The following ELMO1 variants were observed in gnomAD, a reference collection of about 807,000 sequenced individuals.
The protein encoded by ELMO1 is engulfment and cell motility 1, also known as engulfment and cell motility protein 1.
Under a neutral mutation model 98.9 loss-of-function variants are expected in ELMO1, and 26 were observed. That is an observed-to-expected ratio of 0.26 (90% CI 0.19 to 0.36). The LOEUF is 0.36. Among genes scored for constraint, ELMO1 ranks in the 10% least tolerant of loss-of-function variants. ELMO1 has a pLI of 1.00. For synonymous variants in ELMO1, 346 were observed against 346.0 expected (o/e 1.00, Z 0.00); for missense variants, 627 against 935.2 (o/e 0.67, Z 4.30).
chr7:37,204,369 G>A (rs1015560123), intron 13 of ELMO1: 28 of 389,122 alleles, frequency 7.2e-5, no homozygotes, highest in Middle Eastern at 9.0e-4. Flanking sequence ...GCAGACCTTC[G>A]CGGTGAGTGT....
chr7:36,937,768 A>C (rs1285167129), intron 16 of ELMO1, among the ~76,000 whole-genome samples: 2 of 152,200 alleles, frequency 1.3e-5, no homozygotes, highest in African/African-American at 2.4e-5. Flanking sequence ...AAAAATAATA[A>C]TGGTTTGCTC....
chr7:36,874,283 G>A (rs1803770353), intron 19 of ELMO1, among the ~76,000 whole-genome samples: 1 of 152,226 alleles, frequency 6.6e-6, no homozygotes, highest in Non-Finnish European at 1.5e-5. Context: ...AGTAGTGGGT[G>A]AAAATCTAGG....
intron 16 of ELMO1, among the ~76,000 whole-genome samples, chr7:36,999,335 G>T (rs940926721): frequency 1.8e-4 from 27 of 152,128 alleles, no homozygotes; most frequent in African/African-American, 6.3e-4. Flanking sequence ...TTCAGACGTG[G>T]TCCAATATTG....
At chr7:37,100,626 A>T (rs954242594) in intron 14 of ELMO1, among the ~76,000 whole-genome samples, 2 of 152,260 alleles carry the variant, frequency 1.3e-5, no homozygotes, top group Admixed American at 1.3e-4. Context: ...TGCCTCCTGC[A>T]GCCAGCCCTT....
intron 10 of ELMO1, among the ~76,000 whole-genome samples, chr7:37,222,388 C>T (rs1392067747): frequency 6.6e-6 from 1 of 152,236 alleles, no homozygotes; most frequent in African/African-American, 2.4e-5. Context: ...ACACTCCTAG[C>T]ATCCCTCATC....
At chr7:36,974,858 C>T (rs1205261528) in intron 16 of ELMO1, among the ~76,000 whole-genome samples, 1 of 152,022 alleles carries the variant, frequency 6.6e-6, no homozygotes, top group African/African-American at 2.4e-5. Context: ...CATGAGCCCA[C>T]CGGGAAGAAT....
intron 16 of ELMO1, among the ~76,000 whole-genome samples, chr7:36,947,519 G>A (rs772615622): frequency 6.6e-6 from 1 of 152,222 alleles, no homozygotes; most frequent in Middle Eastern, 3.4e-3. Flanking sequence ...GGGCCATGAC[G>A]TTGATCAGGT....
In ELMO1 at chr7:37,389,821, C is replaced by A. The variant is rs79246262; in HGVS notation, c.-73-47058G>T. Among the ~76,000 whole-genome samples, 281 of 152,238 alleles carry A rather than the reference C, an allele frequency of 1.8e-3. 2 individuals are homozygous for A. In the East Asian group the frequency reaches 0.024, roughly 13 times the overall value. On this transcript the variant is annotated intron_variant, in intron 1 of 21. Coordinates refer to ENST00000310758, the MANE Select transcript of ELMO1 (RefSeq NM_014800.11). ...GTAAAGAATGAAGCACGGGCATCCC[C>A]CGAGATTCTTACTAATTCTCCAGCA...
chr7:37,156,218 A>C (rs956630367), intron 13 of ELMO1, among the ~76,000 whole-genome samples: 1 of 152,266 alleles, frequency 6.6e-6, no homozygotes, highest in Non-Finnish European at 1.5e-5. Flanking sequence ...CACAAGAGAA[A>C]GCAGGAAAGA....
intron 2 of ELMO1, among the ~76,000 whole-genome samples, chr7:37,320,935 G>A (rs1424466230): frequency 6.6e-6 from 1 of 152,200 alleles, no homozygotes; most frequent in East Asian, 1.9e-4. Context: ...TAAGCTGTTA[G>A]ACACTGAAAG....
chr7:37,294,955 C>T (rs897168862), intron 4 of ELMO1, among the ~76,000 whole-genome samples: 8 of 151,282 alleles, frequency 5.3e-5, no homozygotes, highest in East Asian at 1.9e-4. Flanking sequence ...AGCCACAATC[C>T]GCCATCGCAC....
chr7:36,961,784 T>C (rs1382969185), intron 16 of ELMO1, among the ~76,000 whole-genome samples: 1 of 152,168 alleles, frequency 6.6e-6, no homozygotes, highest in East Asian at 1.9e-4. Flanking sequence ...TCTAATAAGA[T>C]TGAAACAAAA....
rs527643074 is a variant in ELMO1 at position 36,867,020 on chromosome 7, T to A, written c.1905+3373A>T. Among the ~76,000 whole-genome samples, 4 of 152,280 alleles carry A rather than the reference T, an allele frequency of 2.6e-5. No homozygotes were observed. The South Asian group carries it at 8.3e-4, about 32-fold the overall frequency. ...TTGCAAGACAAGTAAATTCCATGTA[T>A]ATGCTAATTAAAGGGCCAGGCTGCT... On this transcript the variant is annotated intron_variant, in intron 20 of 21. Coordinates refer to ENST00000310758, the MANE Select transcript of ELMO1 (RefSeq NM_014800.11).
intron 16 of ELMO1, among the ~76,000 whole-genome samples, chr7:36,915,503 C>T (rs1468406492): frequency 6.6e-6 from 1 of 152,142 alleles, no homozygotes; most frequent in Non-Finnish European, 1.5e-5. Context: ...CCATTCAGGC[C>T]TTAGAGATGG....
At chr7:37,154,448 A>G (rs1236023499) in intron 13 of ELMO1, among the ~76,000 whole-genome samples, 2 of 152,226 alleles carry the variant, frequency 1.3e-5, no homozygotes, top group African/African-American at 2.4e-5. Context: ...TAACTAGAAC[A>G]ACCAGTGTAG....
intron 16 of ELMO1, among the ~76,000 whole-genome samples, chr7:36,954,409 T>A (rs1252878921): frequency 2.6e-5 from 4 of 152,184 alleles, no homozygotes; most frequent in Non-Finnish European, 5.9e-5. Context: ...TTTGGAAGGC[T>A]GTCAGCCTGA....
intron 16 of ELMO1, among the ~76,000 whole-genome samples, chr7:36,909,625 C>T (rs961634179): frequency 6.6e-6 from 1 of 152,178 alleles, no homozygotes; most frequent in Non-Finnish European, 1.5e-5. Context: ...CGTACAGGTA[C>T]ACAAAGACTG....
chr7:37,070,158 TCAAAGGAGG>T (rs1797193701), intron 15 of ELMO1, among the ~76,000 whole-genome samples: 1 of 152,150 alleles, frequency 6.6e-6, no homozygotes, highest in African/African-American at 2.4e-5. Flanking sequence ...GAGATAGCAA[TCAAAGGAGG>T]CAAAAGAGGG....
chr7:37,026,758 G>T (rs1284685017), intron 15 of ELMO1, among the ~76,000 whole-genome samples: 1 of 152,100 alleles, frequency 6.6e-6, no homozygotes, highest in East Asian at 1.9e-4. Context: ...CACTTCTAAA[G>T]CTCTGTCCCA....
Sources: allele counts gnomAD v4.1 joint callset (sites outside exome capture counted in the v4.1 genomes callset), GRCh38; gene constraint gnomAD v4.1.1; transcripts MANE v1.5; gene names NCBI Gene and HGNC (gene_info 2026-07-23, HGNC 2026-07-21).